The following ABCA10 variants were observed in gnomAD, a reference collection of about 807,000 sequenced individuals.
The protein encoded by ABCA10 is ATP binding cassette subfamily A member 10.
In ABCA10, 169 loss-of-function variants were observed where a neutral mutation model predicts 187.5. That is an observed-to-expected ratio of 0.90 (90% CI 0.80 to 1.02). ABCA10 has a LOEUF of 1.02. ABCA10 is among the 50% of genes least tolerant of loss of function. The pLI is 0.00. For missense variants in ABCA10, 1,727 were observed against 1,812.4 expected, an observed-to-expected ratio of 0.95 and a Z score of 0.86; for synonymous variants, 574 against 601.8, an observed-to-expected ratio of 0.95 and a Z score of 0.68.
At chr17:69,242,809 G>A (rs2074912843) in intron 1 of ABCA10, among the ~76,000 whole-genome samples, 1 of 152,162 alleles carries the variant, frequency 6.6e-6, no homozygotes, top group Non-Finnish European at 1.5e-5. Flanking sequence ...AAGCTGGAAA[G>A]TCCTATTATC....
intron 1 of ABCA10, among the ~76,000 whole-genome samples, chr17:69,239,052 T>G (rs2074888845): frequency 6.6e-6 from 1 of 152,100 alleles, no homozygotes; most frequent in Non-Finnish European, 1.5e-5. Context: ...GAAAACAAAT[T>G]TTATTTGGTA....
chr17:69,216,346 T>C lies in ABCA10; in HGVS notation c.543A>G (p.Gly181=), dbSNP rs147532890. The change falls in exon 7 of 39, where the codon GGA becomes GGG. Residue 181 remains glycine (G), a synonymous_variant. Coordinates refer to ENST00000690296, the MANE Select transcript of ABCA10 (RefSeq NM_001377321.1). Reference sequence around the variant, plus strand: ...TGAAGATGAAGCAAATGTATGTCAATCCCCAGGAGAGCCTATAGTAGAAAC... The same window carrying C: ...TGAAGATGAAGCAAATGTATGTCAACCCCCAGGAGAGCCTATAGTAGAAAC... The part of the protein sequence containing the change: ...LRESAFWLSW[G]LTYICFIFIM... The C allele has an allele frequency of 5.6e-6, 9 of 1,611,758 alleles. No individual in the cohort carries two copies. Among genetic ancestry groups the C allele is most frequent in the Non-Finnish European group, 7.6e-6 (9 of 1,179,122 alleles).
At chr17:69,213,685 G>A (rs1307703465) in intron 9 of ABCA10, among the ~76,000 whole-genome samples, 3 of 152,314 alleles carry the variant, frequency 2.0e-5, no homozygotes, top group African/African-American at 4.8e-5. Flanking sequence ...CTCGGGCCTG[G>A]CTGGGCCCTC....
chr17:69,200,231 A>G (rs1194560671), intron 10 of ABCA10, among the ~76,000 whole-genome samples: 1 of 152,236 alleles, frequency 6.6e-6, no homozygotes, highest in Non-Finnish European at 1.5e-5. Context: ...AAAGCTTTAC[A>G]TGTGATAGCT....
chr17:69,154,353 T>C (rs948834457), intron 30 of ABCA10, 27 bp from the exon 31 acceptor site: 4 of 1,541,696 alleles, frequency 2.6e-6, no homozygotes, highest in African/African-American at 2.8e-5. Context: ...CCATCAATAT[T>C]TGAATTTTCA....
At chr17:69,153,669 T>A in intron 32 of ABCA10, 123 bp from the exon 33 acceptor site, 1 of 1,449,214 alleles carries the variant, frequency 6.9e-7, no homozygotes, top group Non-Finnish European at 9.3e-7. Context: ...AACGTTTTCA[T>A]AAATGCTAAA....
chr17:69,202,354 G>A (rs538912017), intron 9 of ABCA10, among the ~76,000 whole-genome samples: 2 of 152,264 alleles, frequency 1.3e-5, no homozygotes, highest in African/African-American at 4.8e-5. Flanking sequence ...ATTGAAAATA[G>A]TGAGTATATA....
chr17:69,240,468 G>C (rs75738541), intron 1 of ABCA10, among the ~76,000 whole-genome samples: 2,346 of 152,264 alleles, frequency 0.015, 50 homozygotes, highest in African/African-American at 0.054. Flanking sequence ...GCATCCACAG[G>C]AGCCTGAACA....
intron 9 of ABCA10, among the ~76,000 whole-genome samples, chr17:69,211,289 T>C (rs1267858702): frequency 1.0e-4 from 9 of 89,562 alleles, no homozygotes; most frequent in Non-Finnish European, 2.1e-4. Context: ...GGTATATATA[T>C]ATCATATATA....
chr17:69,154,308 A>G lies in ABCA10; in HGVS notation c.3713T>C (p.Leu1238Pro), dbSNP rs753719056. ...ACTTTTACCAGCTCCATTGTGTCCT[A>G]GTAATCCCAAAACTTCACCTGGAAG... is the stretch of plus-strand genomic sequence containing the variant. ...CVKKGEVLGL[L>P]GHNGAGKSTS... Residue 1238 changes from leucine to proline, a missense_variant, in exon 31 of 39, where the codon CTA (leucine) becomes CCA (proline). Transcript: ENST00000690296. 1.9e-6 allele frequency: 3 copies of G among 1,604,052 alleles called. No homozygotes were observed.
Position 69,148,903 on chromosome 17 carries a change from T to A in ABCA10, c.4556A>T (p.Glu1519Val). ...ATCATCAACATTTCCCAGCTCCTGC[T>A]CTTTACAGAGTTCTAAGAATACCTA... ...LEQVFLELCK[E>V]QELGNVDDKI... Residue 1519 changes from glutamate to valine, a missense_variant, in exon 39 of 39, where the codon GAG becomes GTG. By Grantham distance (121) the Glu-to-Val change is moderately radical. Transcript: ENST00000690296. 1.9e-6 allele frequency: 3 copies of A among 1,613,788 alleles called. No individual in the cohort carries two copies. The highest frequency in any genetic ancestry group is 2.5e-6 in the Non-Finnish European group (3 of 1,179,822).
Position 69,158,224 on chromosome 17 carries a change from G to A in ABCA10, c.3364-1301C>T, listed in dbSNP as rs913639718. On this transcript the variant is annotated intron_variant, in intron 27 of 38. Coordinates refer to ENST00000690296, the MANE Select transcript of ABCA10 (RefSeq NM_001377321.1). Reference sequence around the variant, plus strand: ...TTCTTGCAACAGTGTTAGTGTTAGTGGATGATTTTTAGAGATTCAAGCCAA... The same window carrying A: ...TTCTTGCAACAGTGTTAGTGTTAGTAGATGATTTTTAGAGATTCAAGCCAA... Among the ~76,000 whole-genome samples the A allele has an allele frequency of 2.0e-5, 3 of 151,904 alleles. No homozygotes were observed. In the South Asian group the frequency reaches 6.2e-4, roughly 31 times the overall value.
At chr17:69,210,081 T>TTTATTATTATTATTA (rs140000472) in intron 9 of ABCA10, among the ~76,000 whole-genome samples, 6,243 of 146,862 alleles carry the variant, frequency 0.043, 182 homozygotes, top group Admixed American at 0.098. Flanking sequence ...ATGCTATTAC[T>TTTATTATTATTATTA]TTATTATTAT....
At chr17:69,243,345 C>G (rs1319100420) in intron 1 of ABCA10, among the ~76,000 whole-genome samples, 1 of 152,176 alleles carries the variant, frequency 6.6e-6, no homozygotes, top group African/African-American at 2.4e-5. Flanking sequence ...CACATCTAGG[C>G]TATATGATAC....
At chr17:69,162,364 C>T (rs961677049) in intron 27 of ABCA10, among the ~76,000 whole-genome samples, 1 of 152,170 alleles carries the variant, frequency 6.6e-6, no homozygotes, top group East Asian at 1.9e-4. Flanking sequence ...TCATGGGCAA[C>T]AGTTTTTTGG....
At chr17:69,237,497 G>A (rs1270326560) in intron 1 of ABCA10, among the ~76,000 whole-genome samples, 3 of 152,088 alleles carry the variant, frequency 2.0e-5, no homozygotes, top group Non-Finnish European at 4.4e-5. Flanking sequence ...TATTTAACAC[G>A]GAAATATTAT....
chr17:69,191,110 C>A, intron 17 of ABCA10, 66 bp downstream of exon 17: 1 of 1,323,334 alleles, frequency 7.6e-7, no homozygotes, highest in Non-Finnish European at 9.9e-7. Flanking sequence ...CATAGAACAA[C>A]AGAAAATGCA....
chr17:69,183,172 T>C (rs1284346420), intron 20 of ABCA10, among the ~76,000 whole-genome samples: 2 of 152,184 alleles, frequency 1.3e-5, no homozygotes, highest in Non-Finnish European at 2.9e-5. Context: ...TTATGAATAA[T>C]ACATACAAAA....
chr17:69,242,258 T>C (rs555817406), intron 1 of ABCA10, among the ~76,000 whole-genome samples: 11 of 152,318 alleles, frequency 7.2e-5, no homozygotes, highest in African/African-American at 2.4e-4. Flanking sequence ...CCAATACATA[T>C]ACATCACAAC....
Sources: gnomAD v4.1 joint callset for allele counts (sites outside exome capture counted in the v4.1 genomes callset) on GRCh38, gnomAD v4.1.1 for gene constraint, MANE v1.5 for transcripts, NCBI Gene and HGNC (gene_info 2026-07-23, HGNC 2026-07-21) for gene names.